Variants in CFAP74 observed in about 807,000 individuals in gnomAD.
CFAP74 encodes cilia- and flagella-associated protein 74.
Under a neutral mutation model 188.9 loss-of-function variants are expected in CFAP74, and 124 were observed. The observed-to-expected ratio is 0.66, with a 90% CI of 0.57 to 0.76. The LOEUF is 0.76. Ranked by LOEUF, CFAP74 falls within the 30% of genes least tolerant of loss-of-function variation. CFAP74 has a pLI of 0.00. For synonymous variants in CFAP74, 956 were observed against 916.7 expected (o/e 1.04, Z -0.77); for missense variants, 2,198 against 2,165.2 (o/e 1.02, Z -0.30).
At position 1,959,571 on chromosome 1, in the gene CFAP74, G is replaced by A. The variant is rs534595923; in HGVS notation, c.1762-362C>T. ...ATAAGCCACCACACCCCTCCCTCCT[G>A]TAACTTTAGCCTGTTACATGTGCCG... On this transcript the variant is annotated intron_variant, in intron 15 of 38. Transcript: ENST00000682832. 1.1e-3 allele frequency among the ~76,000 whole-genome samples: 165 copies of A among 152,284 alleles called. 1 individual carries two copies. Among genetic ancestry groups the A allele is most frequent in the African/African-American group, 3.9e-3 (161 of 41,556 alleles).
At position 1,970,866 on chromosome 1, in the gene CFAP74, T is replaced by G. The variant is rs749192229; in HGVS notation, c.889-50A>C. 6 of 1,605,270 alleles carry G rather than the reference T, an allele frequency of 3.7e-6. No homozygotes were observed. In the South Asian group the frequency reaches 5.5e-5, roughly 15 times the overall value. ...GACAGCAGCAGCACCCACGGGCACATGCACACGCTCACACCTGCACATGTG... is the reference window on the plus strand; with the variant it reads ...GACAGCAGCAGCACCCACGGGCACAGGCACACGCTCACACCTGCACATGTG... On this transcript the variant is annotated intron_variant, in intron 9 of 38. Coordinates refer to ENST00000682832, the MANE Select transcript of CFAP74 (RefSeq NM_001304360.2).
chr1:1,925,429 C>G (rs1348246281), intron 33 of CFAP74, among the ~76,000 whole-genome samples: 1 of 151,500 alleles, frequency 6.6e-6, no homozygotes, highest in Non-Finnish European at 1.5e-5. Context: ...ACCCTTGCCC[C>G]CGGTGGCTGA....
Position 1,976,162 on chromosome 1 carries a change from C to G in CFAP74, c.501-1964G>C, listed in dbSNP as rs191251129. Among the ~76,000 whole-genome samples, 97 of 152,358 alleles carry G rather than the reference C, an allele frequency of 6.4e-4. 1 individual carries two copies. The East Asian group carries it at 0.018, about 28-fold the overall frequency. On this transcript the variant is annotated intron_variant, in intron 6 of 38. Coordinates refer to ENST00000682832, the MANE Select transcript of CFAP74 (RefSeq NM_001304360.2). ...GAGGGCAGGGCCCCCATGGCCGAAT[C>G]TCCCAGAGACCCCACCTCTTCCTGC... is the stretch of plus-strand genomic sequence containing the variant.
chr1:1,967,993 T>G (rs1474298453), intron 11 of CFAP74, among the ~76,000 whole-genome samples: 2 of 149,298 alleles, frequency 1.3e-5, no homozygotes, highest in Non-Finnish European at 3.0e-5. Context: ...AATGAATGAG[T>G]GAATGAGTGA....
intron 14 of CFAP74, among the ~76,000 whole-genome samples, chr1:1,961,209 G>A (rs554045162): frequency 1.1e-3 from 163 of 152,278 alleles, no homozygotes; most frequent in African/African-American, 3.5e-3. Flanking sequence ...GGGCAGAGCC[G>A]GAGAATGAAT....
intron 1 of CFAP74, among the ~76,000 whole-genome samples, chr1:1,997,327 C>T (rs1238428390): frequency 6.6e-6 from 1 of 151,366 alleles, no homozygotes; most frequent in East Asian, 1.9e-4. Flanking sequence ...GAGGCTGAGG[C>T]AGGAGAAACG....
In CFAP74 at chr1:1,930,314, C is replaced by T; in HGVS notation, c.3034G>A (p.Ala1012Thr). The change falls in exon 26 of 39, where the codon GCT (alanine) becomes ACT (threonine). Residue 1012 changes from alanine (A) to threonine (T), a missense_variant. Ala to Thr is a moderately conservative substitution (Grantham distance 58, BLOSUM62 0). Transcript: ENST00000682832. The stretch of plus-strand genomic sequence containing the variant: ...TCCAGGGGTGGGTGGACGCCTACAG[C>T]CCGGCAAGACAGCTTGAAGCACCTG... ...INRCFKLSCRAVGVHPPLELS... is the reference protein window; with the variant it reads ...INRCFKLSCRTVGVHPPLELS... 1 of 1,526,016 alleles carries T rather than the reference C, an allele frequency of 6.6e-7. No individual in the cohort carries two copies. 94.5% of individuals were successfully genotyped at this position (1,526,016 alleles called of 1,614,324 possible).
intron 18 of CFAP74, among the ~76,000 whole-genome samples, chr1:1,950,810 G>A (rs1654158121): frequency 2.0e-5 from 3 of 152,078 alleles, no homozygotes; most frequent in Admixed American, 2.0e-4. Flanking sequence ...CTTGGTTTTG[G>A]CGAAGTCCAG....
chr1:1,943,049 C>G (rs1454309134), intron 21 of CFAP74, among the ~76,000 whole-genome samples: 1 of 152,216 alleles, frequency 6.6e-6, no homozygotes, highest in Non-Finnish European at 1.5e-5. Flanking sequence ...GGCGGGCGCC[C>G]GGGTGCTCAG....
At chr1:1,929,088 C>A (rs1363495206) in intron 26 of CFAP74, among the ~76,000 whole-genome samples, 4 of 151,922 alleles carry the variant, frequency 2.6e-5, no homozygotes, top group Admixed American at 6.6e-5. Flanking sequence ...GAGCACCAAA[C>A]CCTCTGGCCA....
intron 16 of CFAP74, 39 bp from the exon 17 acceptor site, chr1:1,956,823 C>G (rs367613096): frequency 1.3e-6 from 2 of 1,597,244 alleles, no homozygotes; most frequent in East Asian, 2.3e-5. Flanking sequence ...GCCACCGTGC[C>G]AGGCCCACAG....
chr1:1,955,093 C>T (rs555513829), intron 18 of CFAP74: 2 of 560,504 alleles, frequency 3.6e-6, no homozygotes, highest in Non-Finnish European at 5.0e-6. Flanking sequence ...CTCACACAGG[C>T]TGTGGAGAAC....
At chr1:1,954,890 A>T (rs1045082658) in intron 18 of CFAP74, 3 of 1,161,472 alleles carry the variant, frequency 2.6e-6, no homozygotes, top group Non-Finnish European at 3.2e-6. Flanking sequence ...CACACAGGCC[A>T]AGGGGCAGTG....
chr1:1,925,333 C>T (rs1029819487), intron 33 of CFAP74, among the ~76,000 whole-genome samples: 7 of 151,806 alleles, frequency 4.6e-5, no homozygotes, highest in South Asian at 4.2e-4. Flanking sequence ...TGAGGGCACA[C>T]GCTGGTGTGA....
intron 18 of CFAP74, among the ~76,000 whole-genome samples, chr1:1,950,465 G>A (rs181341524): frequency 2.0e-3 from 300 of 151,804 alleles, no homozygotes; most frequent in Non-Finnish European, 3.1e-3. Flanking sequence ...TCAGCCTCCC[G>A]AGTAGCTGGG....
chr1:1,941,953 C>G, intron 22 of CFAP74, 75 bp downstream of exon 22: 1 of 1,365,298 alleles, frequency 7.3e-7, no homozygotes, highest in Non-Finnish European at 9.5e-7. Flanking sequence ...AGAGGAGTGG[C>G]CAGTGGCGAG....
rs1655683730 is a variant in CFAP74, at chr1:1,968,943, TCCTGCCCAGCAGCCCCAGGTGAGACAGC to T, written c.1047-138_1047-111del. ...CCTAGCGCCCTCCTGGGGGCTCCGGTCCTGCCCAGCAGCCCCAGGTGAGACAGCGCCTGGCGGCCCCTCCCTAGCTCCC... is the reference window on the plus strand; with the variant it reads ...CCTAGCGCCCTCCTGGGGGCTCCGGTGCCTGGCGGCCCCTCCCTAGCTCCC... On this transcript the variant is annotated intron_variant, in intron 10 of 38. Coordinates refer to ENST00000682832, the MANE Select transcript of CFAP74 (RefSeq NM_001304360.2). This position sits in a 1 kb window ranked among gnomAD's most constrained non-coding sequence, Gnocchi z 4.3. The T allele has an allele frequency of 1.1e-5, 6 of 570,578 alleles. No individual in the cohort carries two copies. Among genetic ancestry groups the T allele is most frequent in the South Asian group, 6.4e-5 (3 of 47,092 alleles). 35.3% of individuals were successfully genotyped at this position (570,578 alleles called of 1,614,324 possible). A position where few individuals can be genotyped will look rare whatever the true frequency, so the allele number is the denominator to read the frequency against.
At chr1:1,963,214 G>A (rs565308791) in intron 14 of CFAP74, among the ~76,000 whole-genome samples, 25 of 152,280 alleles carry the variant, frequency 1.6e-4, no homozygotes, top group African/African-American at 5.3e-4. Context: ...ACTTTGGGAA[G>A]CCAAGGCAGG....
intron 10 of CFAP74, among the ~76,000 whole-genome samples, chr1:1,969,835 C>T (rs1054424110): frequency 1.3e-5 from 2 of 152,202 alleles, no homozygotes; most frequent in African/African-American, 4.8e-5. Flanking sequence ...GGCCAGGAGC[C>T]CCCGCCCAGG....
Sources: allele counts gnomAD v4.1 joint callset (sites outside exome capture counted in the v4.1 genomes callset), GRCh38; gene constraint gnomAD v4.1.1; non-coding constraint Gnocchi (gnomAD v3.1); transcripts MANE v1.5; gene names NCBI Gene and HGNC (gene_info 2026-07-23, HGNC 2026-07-21).